The following ARFGEF3 variants were observed in gnomAD, a reference collection of about 807,000 sequenced individuals.
ARFGEF3 encodes ARFGEF family member 3.
In ARFGEF3, 96 loss-of-function variants were observed where a neutral mutation model predicts 221.7. That is an observed-to-expected ratio of 0.43 (90% CI 0.37 to 0.51). The LOEUF is 0.51. Ranked by LOEUF, ARFGEF3 falls within the 20% of genes least tolerant of loss-of-function variation. The probability of loss-of-function intolerance (pLI) is 0.00; values close to 1 mark genes in which losing one functional copy is unlikely to be tolerated. For synonymous variants in ARFGEF3, 1,145 were observed against 1,126.8 expected (o/e 1.02, Z -0.32); for missense variants, 2,410 against 2,789.9 (o/e 0.86, Z 3.07).
intron 22 of ARFGEF3, among the ~76,000 whole-genome samples, chr6:138,300,540 C>T (rs1276917990): frequency 6.6e-6 from 1 of 152,132 alleles, no homozygotes; most frequent in Non-Finnish European, 1.5e-5. Context: ...AAAAAGAATA[C>T]CCAGAGTAGT....
In ARFGEF3 at chr6:138,323,961, C is replaced by A; in HGVS notation, c.4870-62C>A. On this transcript the variant is annotated intron_variant, in intron 30 of 33. Transcript: ENST00000251691. Reference sequence around the variant, plus strand: ...TCAGACACAGTGACGATCTCAGATCCAAGACTGAGCCCGGCCCATGAACCA... The same window carrying A: ...TCAGACACAGTGACGATCTCAGATCAAAGACTGAGCCCGGCCCATGAACCA... The A allele has an allele frequency of 1.3e-6, 2 of 1,591,360 alleles. 1 individual carries two copies. Among genetic ancestry groups the A allele is most frequent in the South Asian group, 2.3e-5 (2 of 88,124 alleles).
intron 26 of ARFGEF3, among the ~76,000 whole-genome samples, chr6:138,315,716 G>T (rs370542185): frequency 2.1e-4 from 31 of 148,296 alleles, no homozygotes; most frequent in Non-Finnish European, 2.4e-4. Flanking sequence ...CAAGCGTGGT[G>T]GGGGGGCGCC....
chr6:138,273,446 C>T (rs1182130815), intron 12 of ARFGEF3, among the ~76,000 whole-genome samples: 1 of 152,190 alleles, frequency 6.6e-6, no homozygotes, highest in African/African-American at 2.4e-5. Context: ...AGTTACTGAA[C>T]ACTGGGCAAT....
At chr6:138,251,835 G>A (rs940420246) in intron 8 of ARFGEF3, among the ~76,000 whole-genome samples, 5 of 152,040 alleles carry the variant, frequency 3.3e-5, no homozygotes, top group African/African-American at 4.8e-5. Context: ...AGAACCTTGC[G>A]TTAAGGTATT....
At chr6:138,190,500 G>A (rs1777282815) in intron 2 of ARFGEF3, among the ~76,000 whole-genome samples, 1 of 152,166 alleles carries the variant, frequency 6.6e-6, no homozygotes, top group Non-Finnish European at 1.5e-5. Flanking sequence ...AGGTAGGGTC[G>A]TTGGCCTTGC....
chr6:138,212,768 T>C lies in ARFGEF3; in HGVS notation c.351+2727T>C, dbSNP rs9494965. Among the ~76,000 whole-genome samples, 948 of 152,076 alleles carry C rather than the reference T, an allele frequency of 6.2e-3. 10 individuals are homozygous for C. The highest frequency in any genetic ancestry group is 0.022 in the African/African-American group (894 of 41,472). On this transcript the variant is annotated intron_variant, in intron 4 of 33. Transcript: ENST00000251691. ...GAAAACCATCATTCTCAGCAAACTA[T>C]CACAAGGACAGAAAACCAAACACCA...
chr6:138,188,880 C>T lies in ARFGEF3; in HGVS notation c.138-18162C>T, dbSNP rs185894742. 2.2e-4 allele frequency among the ~76,000 whole-genome samples: 34 copies of T among 152,316 alleles called. No individual in the cohort carries two copies. In the East Asian group the frequency reaches 6.4e-3, roughly 29 times the overall value. On this transcript the variant is annotated intron_variant, in intron 2 of 33. Transcript: ENST00000251691. ...TAAGGAACCAGCCCAACCTTTTTGG[C>T]TCCTGCCCAAGGCCTATTTTTAAAG...
In ARFGEF3 at chr6:138,291,982, C is replaced by A; in HGVS notation, c.3297C>A (p.Phe1099Leu). ...GCAGCCGGGGTCGGGCCTCCGACTT[C>A]CGCGGCGGGAGCCTCATGAGCGGGA... ...REGSRGRASDFRGGSLMSGSS... is the reference protein window; with the variant it reads ...REGSRGRASDLRGGSLMSGSS... The change falls in exon 19 of 34, where the codon TTC becomes TTA. Residue 1099 changes from phenylalanine (F) to leucine (L), a missense_variant. By Grantham distance (22) the Phe-to-Leu change is conservative. Around this residue, in one of 5 missense-constraint regions of ARFGEF3, gnomAD observed 184 missense variants for 141.8 expected, o/e 1.30. Coordinates refer to ENST00000251691, the MANE Select transcript of ARFGEF3 (RefSeq NM_020340.5). This position sits in a 1 kb window ranked among gnomAD's most constrained non-coding sequence, Gnocchi z 4.5. 6.5e-7 allele frequency: 1 copy of A among 1,535,608 alleles called. No individual in the cohort carries two copies. The highest frequency in any genetic ancestry group is 8.7e-7 in the Non-Finnish European group (1 of 1,144,656).
intron 8 of ARFGEF3, among the ~76,000 whole-genome samples, chr6:138,250,290 T>A (rs1409706605): frequency 6.6e-6 from 1 of 152,222 alleles, no homozygotes; most frequent in East Asian, 1.9e-4. Flanking sequence ...TAGAATCCTA[T>A]GTTAGGCAAG....
chr6:138,181,401 A>G (rs1008409916), intron 2 of ARFGEF3, among the ~76,000 whole-genome samples: 8 of 152,094 alleles, frequency 5.3e-5, no homozygotes, highest in Non-Finnish European at 1.0e-4. Flanking sequence ...ATAACAATCC[A>G]ATTATGAATT....
At position 138,339,853 on chromosome 6, in the gene ARFGEF3, A is replaced by G. The variant is rs1780396383; in HGVS notation, c.*3367A>G. The G allele has an allele frequency of 6.6e-6, 1 of 152,226 alleles. No homozygotes were observed. The highest frequency in any genetic ancestry group is 2.4e-5 in the African/African-American group (1 of 41,452). 9.4% of individuals were successfully genotyped at this position (152,226 alleles called of 1,614,324 possible). A position where few individuals can be genotyped will look rare whatever the true frequency, so the allele number is the denominator to read the frequency against. On this transcript the variant is annotated 3_prime_UTR_variant, in exon 34 of 34. Coordinates refer to ENST00000251691, the MANE Select transcript of ARFGEF3 (RefSeq NM_020340.5). ...CAGCCTTCCCCATAGATATAAAACT[A>G]GAACACCTTTATGATTTGGGGTCTA... is the stretch of plus-strand genomic sequence containing the variant.
intron 13 of ARFGEF3, among the ~76,000 whole-genome samples, chr6:138,279,661 T>C (rs1347946694): frequency 6.6e-6 from 1 of 152,232 alleles, no homozygotes; most frequent in Non-Finnish European, 1.5e-5. Flanking sequence ...ACGTTCCACC[T>C]CTGCTTCTGT....
intron 17 of ARFGEF3, among the ~76,000 whole-genome samples, chr6:138,288,214 T>G (rs1244188639): frequency 6.6e-6 from 1 of 151,440 alleles, no homozygotes; most frequent in Non-Finnish European, 1.5e-5. Flanking sequence ...CAAAACCCTG[T>G]CTCTACTAAA....
At position 138,336,386 on chromosome 6, in the gene ARFGEF3, G is replaced by A. The variant is rs778056576; in HGVS notation, c.6434G>A (p.Cys2145Tyr). 6.2e-7 allele frequency: 1 copy of A among 1,613,332 alleles called. No homozygotes were observed. Among genetic ancestry groups the A allele is most frequent in the Non-Finnish European group, 8.5e-7 (1 of 1,179,642 alleles). Reference protein sequence around the residue: ...FTALQPAVFPCISQLTCHVTD... With the variant: ...FTALQPAVFPYISQLTCHVTD... ...GCCCTCCAGCCCGCAGTGTTCCCGT[G>A]CATCAGTCAGCTGACCTGTCACGTG... Residue 2145 changes from cysteine to tyrosine, a missense_variant, in exon 34 of 34, where the codon TGC (cysteine) becomes TAC (tyrosine). Cys to Tyr is a radical substitution (Grantham distance 194). Around this residue, in one of 5 missense-constraint regions of ARFGEF3, gnomAD observed 339 missense variants for 334.9 expected, o/e 1.01. Transcript: ENST00000251691.
intron 26 of ARFGEF3, 47 bp downstream of exon 26, chr6:138,313,986 T>C (rs780121780): frequency 1.3e-6 from 2 of 1,589,126 alleles, no homozygotes; most frequent in South Asian, 1.1e-5. Flanking sequence ...TGTGTTCATA[T>C]TCCCAGAAGC....
At chr6:138,244,668 G>A (rs1256280698) in intron 7 of ARFGEF3, among the ~76,000 whole-genome samples, 2 of 152,160 alleles carry the variant, frequency 1.3e-5, no homozygotes, top group African/African-American at 4.8e-5. Flanking sequence ...CAAAGACCAT[G>A]TGCCCTGCAG....
intron 31 of ARFGEF3, among the ~76,000 whole-genome samples, chr6:138,325,987 G>T (rs958885587): frequency 3.3e-5 from 5 of 152,102 alleles, no homozygotes; most frequent in African/African-American, 1.2e-4. Context: ...CTCCTGAGTA[G>T]CTGGGATTAC....
rs1356793697 is a variant in ARFGEF3, at chr6:138,278,506, G to C, written c.2184G>C (p.Leu728=). 3 of 1,613,972 alleles carry C rather than the reference G, an allele frequency of 1.9e-6. No individual in the cohort carries two copies. The highest frequency in any genetic ancestry group is 2.2e-5 in the South Asian group (2 of 91,078). The change falls in exon 13 of 34, where the codon CTG becomes CTC. Residue 728 remains leucine, a synonymous_variant. Transcript: ENST00000251691. ...DGNSSLSFQM[L]MNADSLYTAA... The stretch of plus-strand genomic sequence containing the variant: ...ATAGCAGCCTCAGCTTCCAGATGCT[G>C]ATGAACGCAGACAGCCTCTACACAG...
At chr6:138,269,801 C>A (rs1300550005) in intron 12 of ARFGEF3, among the ~76,000 whole-genome samples, 1 of 151,024 alleles carries the variant, frequency 6.6e-6, no homozygotes, top group East Asian at 1.9e-4. Flanking sequence ...GAGCCAAACC[C>A]TATCTCAAAA....
Sources: allele counts gnomAD v4.1 joint callset (sites outside exome capture counted in the v4.1 genomes callset), GRCh38; gene constraint gnomAD v4.1.1; regional missense constraint gnomAD v4.1.1; non-coding constraint Gnocchi (gnomAD v3.1); transcripts MANE v1.5; gene names NCBI Gene and HGNC (gene_info 2026-07-23, HGNC 2026-07-21).